Variants in DEK observed in about 807,000 individuals in gnomAD.
The protein encoded by DEK is protein DEK.
DEK carries 28 observed loss-of-function variants against 46.8 expected under a neutral mutation model. The observed-to-expected ratio is 0.60, with a 90% CI of 0.44 to 0.82. The LOEUF (loss-of-function observed/expected upper bound fraction) is 0.82. Ranked by LOEUF, DEK falls within the 40% of genes least tolerant of loss-of-function variation. DEK has a pLI of 0.00. For missense variants in DEK, 416 were observed against 430.6 expected, an observed-to-expected ratio of 0.97 and a Z score of 0.30; for synonymous variants, 160 against 144.5, an observed-to-expected ratio of 1.11 and a Z score of -0.77.
intron 6 of DEK, among the ~76,000 whole-genome samples, chr6:18,250,233 G>T (rs532877797): frequency 4.6e-5 from 7 of 152,012 alleles, no homozygotes; most frequent in African/African-American, 1.7e-4. Context: ...ACTTTGGGAC[G>T]CCGAGGCGGG....
rs1016093680 is a variant in DEK, at chr6:18,263,727, T to C, written c.145+116A>G. The C allele has an allele frequency of 2.5e-5, 39 of 1,588,792 alleles. No individual in the cohort carries two copies. In the African/African-American group the frequency reaches 3.4e-4, roughly 14 times the overall value. ...ATTGTGCACACATTCTCGCTGAAAA[T>C]CACTCCGACTTCACGCCTCTAAACA... is the stretch of plus-strand genomic sequence containing the variant. On this transcript the variant is annotated intron_variant, in intron 2 of 10. Coordinates refer to ENST00000652689, the MANE Select transcript of DEK (RefSeq NM_003472.4).
At chr6:18,234,035 T>A (rs1209585783) in intron 9 of DEK, among the ~76,000 whole-genome samples, 1 of 152,000 alleles carries the variant, frequency 6.6e-6, no homozygotes, top group Non-Finnish European at 1.5e-5. Context: ...ATGTCCTTTG[T>A]AGGGACATGG....
intron 2 of DEK, among the ~76,000 whole-genome samples, chr6:18,262,349 G>A (rs1791915261): frequency 1.3e-5 from 2 of 149,592 alleles, no homozygotes; most frequent in South Asian, 2.1e-4. Flanking sequence ...CTTCCATGAT[G>A]CCTCAGTTCT....
chr6:18,264,387 C>T lies in DEK; in HGVS notation c.-12G>A. 4.5e-6 allele frequency: 1 copy of T among 223,312 alleles called. No homozygotes were observed. Among genetic ancestry groups the T allele is most frequent in the South Asian group, 4.3e-5 (1 of 23,338 alleles). The allele number at this position is 223,312 out of a possible 1,614,324, so 13.8% of individuals were successfully genotyped here. A position where few individuals can be genotyped will look rare whatever the true frequency, so the allele number is the denominator to read the frequency against. ...CGGCGTCCCGAAGCAGCCCTTACCGCGGATTTCGGCCGCCGCGGGCCTGGC... is the reference window on the plus strand; with the variant it reads ...CGGCGTCCCGAAGCAGCCCTTACCGTGGATTTCGGCCGCCGCGGGCCTGGC... On this transcript the variant is annotated splice_region_variant and 5_prime_UTR_variant, in exon 1 of 11. Coordinates refer to ENST00000652689, the MANE Select transcript of DEK (RefSeq NM_003472.4).
intron 6 of DEK, among the ~76,000 whole-genome samples, chr6:18,254,102 G>C (rs949292071): frequency 6.6e-6 from 1 of 152,144 alleles, no homozygotes; most frequent in Non-Finnish European, 1.5e-5. Context: ...AGGCCGAGGC[G>C]GTCAGATCAC....
chr6:18,263,944 G>A lies in DEK; in HGVS notation c.44C>T (p.Thr15Ile). The A allele has an allele frequency of 6.2e-7, 1 of 1,613,330 alleles. No homozygotes were observed. The highest frequency in any genetic ancestry group is 8.5e-7 in the Non-Finnish European group (1 of 1,179,668). ...APAAEGEGTP[T>I]QPASEKEPEM... ...GGGTTCTTTCTCGGACGCGGGCTGG[G>A]TGGGGGTTCCCTCCCCCTCCGCAGC... The change falls in exon 2 of 11, where the codon ACC becomes ATC. Residue 15 changes from threonine (T) to isoleucine (I), a missense_variant. Coordinates refer to ENST00000652689, the MANE Select transcript of DEK (RefSeq NM_003472.4).
chr6:18,249,579 G>GTATT, intron 7 of DEK, 72 bp downstream of exon 7: 2 of 1,431,054 alleles, frequency 1.4e-6, no homozygotes, highest in Non-Finnish European at 1.8e-6. Context: ...TTTTCTGGCT[G>GTATT]TACCTTATAG....
intron 2 of DEK, among the ~76,000 whole-genome samples, chr6:18,260,603 T>C (rs115875393): frequency 7.2e-5 from 11 of 152,294 alleles, no homozygotes; most frequent in African/African-American, 2.6e-4. Context: ...CACTGCCAAT[T>C]TTGGCTAATC....
chr6:18,256,320 A>C (rs766472564), intron 5 of DEK, 41 bp downstream of exon 5: 1 of 1,516,260 alleles, frequency 6.6e-7, no homozygotes, highest in Non-Finnish European at 9.1e-7. Flanking sequence ...ATAAACTTAA[A>C]GCATATTGAT....
intron 7 of DEK, 65 bp from the exon 8 acceptor site, chr6:18,237,581 C>T (rs1790713723): frequency 6.6e-7 from 1 of 1,516,222 alleles, no homozygotes; most frequent in Non-Finnish European, 8.8e-7. Context: ...TCCCATCCCT[C>T]TACTTCCCCT....
chr6:18,242,565 A>G (rs1480474633), intron 7 of DEK, among the ~76,000 whole-genome samples: 1 of 152,114 alleles, frequency 6.6e-6, no homozygotes, highest in Non-Finnish European at 1.5e-5. Flanking sequence ...CCTGCCCGGG[A>G]TGTGAATCAT....
At chr6:18,228,116 G>A (rs1397129653) in intron 9 of DEK, among the ~76,000 whole-genome samples, 1 of 152,068 alleles carries the variant, frequency 6.6e-6, no homozygotes, top group East Asian at 1.9e-4. Context: ...TATAGTTCAG[G>A]GTCAGCAACT....
chr6:18,249,932 C>T (rs889648166), intron 6 of DEK, 93 bp from the exon 7 acceptor site: 1 of 1,444,626 alleles, frequency 6.9e-7, no homozygotes, highest in African/African-American at 1.4e-5. Context: ...TCTTATTCCT[C>T]TCTCAAGAAA....
At chr6:18,260,173 A>G (rs574315114) in intron 2 of DEK, among the ~76,000 whole-genome samples, 1 of 152,342 alleles carries the variant, frequency 6.6e-6, no homozygotes, top group Admixed American at 6.5e-5. Flanking sequence ...ACCTATGACC[A>G]TCTTCCCATA....
intron 9 of DEK, among the ~76,000 whole-genome samples, chr6:18,230,233 A>G (rs1370374503): frequency 6.6e-6 from 1 of 152,204 alleles, no homozygotes; most frequent in Non-Finnish European, 1.5e-5. Flanking sequence ...AGGAAGCACT[A>G]AACATGGAAA....
chr6:18,226,746 T>C (rs750539772), intron 9 of DEK, among the ~76,000 whole-genome samples: 1 of 152,136 alleles, frequency 6.6e-6, no homozygotes, highest in Non-Finnish European at 1.5e-5. Flanking sequence ...TGGCACTGCA[T>C]TCCAGCCTGG....
At position 18,259,687 on chromosome 6, in the gene DEK, A is replaced by G. The variant is rs1249546563; in HGVS notation, c.146-1282T>C. ...GAGACATAAATATACGCCAATATAA[A>G]AGATAACAAAACATCTTAAGAAAGA... is the stretch of plus-strand genomic sequence containing the variant. On this transcript the variant is annotated intron_variant, in intron 2 of 10. Transcript: ENST00000652689. 2.0e-5 allele frequency among the ~76,000 whole-genome samples: 3 copies of G among 152,188 alleles called. No individual in the cohort carries two copies. In the East Asian group the frequency reaches 5.8e-4, roughly 29 times the overall value.
Position 18,263,834 on chromosome 6 carries a change from TCCC to T in DEK, c.145+6_145+8del. 2.5e-6 allele frequency: 4 copies of T among 1,611,636 alleles called. No individual in the cohort carries two copies. Among genetic ancestry groups the T allele is most frequent in the Non-Finnish European group, 3.4e-6 (4 of 1,178,948 alleles). ...AAAAATTCATCAGTTGGGATGCGAC[TCCC>T]CCCACCTTTTTCCTCCTCCTCCTCC... On this transcript the variant is annotated splice_donor_region_variant and intron_variant, in intron 2 of 10. Coordinates refer to ENST00000652689, the MANE Select transcript of DEK (RefSeq NM_003472.4).
At chr6:18,239,324 T>C (rs565081837) in intron 7 of DEK, among the ~76,000 whole-genome samples, 4 of 150,386 alleles carry the variant, frequency 2.7e-5, no homozygotes, top group Non-Finnish European at 4.4e-5. Flanking sequence ...AAGCTATTCA[T>C]TGGATTTTAG....
Sources: gnomAD v4.1 joint callset for allele counts (sites outside exome capture counted in the v4.1 genomes callset) on GRCh38, gnomAD v4.1.1 for gene constraint, MANE v1.5 for transcripts, NCBI Gene and HGNC (gene_info 2026-07-23, HGNC 2026-07-21) for gene names.